DIAPH2: variants seen among roughly 807,000 people sequenced by gnomAD.
The protein encoded by DIAPH2 is protein diaphanous homolog 2.
A neutral mutation model predicts 92.7 loss-of-function variants in DIAPH2; 35 were observed. The observed-to-expected ratio is 0.38, with a 90% confidence interval of 0.29 to 0.50. The LOEUF (loss-of-function observed/expected upper bound fraction) is 0.50. Ranked by LOEUF, DIAPH2 falls within the 20% of genes least tolerant of loss-of-function variation. The probability of loss-of-function intolerance (pLI) is 0.94; values close to 1 mark genes in which losing one functional copy is unlikely to be tolerated. For synonymous variants in DIAPH2, 301 were observed against 280.4 expected (o/e 1.07, Z -0.73); for missense variants, 701 against 819.5 (o/e 0.86, Z 1.77).
Position 96,696,448 on chromosome X carries a change from A to C in DIAPH2, c.132+11258A>C, listed in dbSNP as rs1386767727. ...GAGTCAAAGTTTATTGAAAGCTGTA[A>C]TACATCTACCCTAACATAAATACAA... On this transcript the variant is annotated intron_variant, in intron 1 of 26. Coordinates refer to ENST00000324765, the MANE Select transcript of DIAPH2 (RefSeq NM_006729.5). 2.7e-5 allele frequency among the ~76,000 whole-genome samples: 3 copies of C among 111,921 alleles called. No homozygotes were observed. The East Asian group carries it at 8.4e-4, about 31-fold the overall frequency.
At chrX:96,806,764 G>A (rs1312442955) in intron 4 of DIAPH2, among the ~76,000 whole-genome samples, 3 of 103,295 alleles carry the variant, frequency 2.9e-5, no homozygotes, top group Middle Eastern at 4.8e-3. Context: ...TTTTTGAGAC[G>A]GAGTCTCGCT....
intron 23 of DIAPH2, among the ~76,000 whole-genome samples, chrX:97,343,577 G>A (rs1430974302): frequency 9.0e-6 from 1 of 110,771 alleles, no homozygotes; most frequent in Non-Finnish European, 1.9e-5. Context: ...GCTGAGGCGG[G>A]AGAATCGCTT....
intron 21 of DIAPH2, among the ~76,000 whole-genome samples, chrX:97,127,892 C>T (rs1223987860): frequency 1.8e-5 from 2 of 110,980 alleles, no homozygotes; most frequent in East Asian, 5.7e-4. Context: ...CTTGTGGTCC[C>T]AGCTACTTGG....
At chrX:97,002,057 C>G (rs1013918111) in intron 17 of DIAPH2, among the ~76,000 whole-genome samples, 1 of 110,176 alleles carries the variant, frequency 9.1e-6, no homozygotes, top group Non-Finnish European at 1.9e-5. Context: ...TAATTCAAGT[C>G]AATAATCCAC....
intron 26 of DIAPH2, among the ~76,000 whole-genome samples, chrX:97,545,629 C>G (rs1238469315): frequency 9.4e-6 from 1 of 105,906 alleles, no homozygotes; most frequent in Non-Finnish European, 1.9e-5. Context: ...GTTCATTATT[C>G]TGCATAATAT....
chrX:97,164,688 G>A (rs929434048), intron 22 of DIAPH2, among the ~76,000 whole-genome samples: 2 of 112,093 alleles, frequency 1.8e-5, no homozygotes, highest in African/African-American at 6.5e-5. Context: ...ATTCTTAGAA[G>A]TCCTTATTGC....
chrX:96,783,140 G>A (rs2064431193), intron 4 of DIAPH2, among the ~76,000 whole-genome samples: 1 of 111,531 alleles, frequency 9.0e-6, no homozygotes, highest in Admixed American at 9.5e-5. Flanking sequence ...GGACGGTGTG[G>A]GGATCTACTG....
chrX:96,710,215 C>T (rs2063909699), intron 1 of DIAPH2, among the ~76,000 whole-genome samples: 1 of 111,521 alleles, frequency 9.0e-6, no homozygotes, highest in Admixed American at 9.6e-5. Context: ...GATTCTAAAA[C>T]CTTTCTCCTA....
rs748195088 is a variant in DIAPH2, at chrX:97,215,718, C to T, written c.2720-31997C>T. 2.5e-4 allele frequency among the ~76,000 whole-genome samples: 28 copies of T among 111,705 alleles called. No homozygotes were observed. In the East Asian group the frequency reaches 3.9e-3, roughly 16 times the overall value. On this transcript the variant is annotated intron_variant, in intron 22 of 26. Transcript: ENST00000324765. ...TTTGTGCCATTAAGACACTGCTACC[C>T]TCTGCTGCCTAAGTTAATTACATTC...
rs779130189 is a variant in DIAPH2 at position 97,264,079 on chromosome X, C to T, written c.2844+16240C>T. The stretch of plus-strand genomic sequence containing the variant: ...TGGGACTACAGGCACATTGCTACCA[C>T]GCCCAGCTAAATTTTGTATTTTTTG... On this transcript the variant is annotated intron_variant, in intron 23 of 26. Coordinates refer to ENST00000324765, the MANE Select transcript of DIAPH2 (RefSeq NM_006729.5). Among the ~76,000 whole-genome samples the T allele has an allele frequency of 1.7e-4, 18 of 108,908 alleles. No individual in the cohort carries two copies. In the East Asian group the frequency reaches 4.3e-3, roughly 26 times the overall value. The allele number at this position is 108,908 out of a possible 115,157, so 94.6% of individuals were successfully genotyped here. A position where few individuals can be genotyped will look rare whatever the true frequency, so the allele number is the denominator to read the frequency against.
At chrX:97,363,643 G>A (rs2147708183) in intron 24 of DIAPH2, among the ~76,000 whole-genome samples, 1 of 94,008 alleles carries the variant, frequency 1.1e-5, no homozygotes, top group East Asian at 3.4e-4. Context: ...TCCAGCCTGG[G>A]TGACAGAGCG....
chrX:97,407,368 C>A (rs1312542901), intron 25 of DIAPH2, among the ~76,000 whole-genome samples: 5 of 111,046 alleles, frequency 4.5e-5, no homozygotes, highest in African/African-American at 1.6e-4. Context: ...GCCATGAATT[C>A]TTTTAATCTC....
At chrX:97,359,892 A>G (rs2069308016) in intron 24 of DIAPH2, among the ~76,000 whole-genome samples, 1 of 111,287 alleles carries the variant, frequency 9.0e-6, no homozygotes, top group Non-Finnish European at 1.9e-5. Flanking sequence ...TAATCTTAAT[A>G]ATGAGGCAGC....
intron 24 of DIAPH2, among the ~76,000 whole-genome samples, chrX:97,382,315 G>A: frequency 8.9e-6 from 1 of 112,003 alleles, no homozygotes; most frequent in Non-Finnish European, 1.9e-5. Context: ...GTTTGGCCGG[G>A]TGCGGTGGCT....
intron 26 of DIAPH2, among the ~76,000 whole-genome samples, chrX:97,509,983 C>G (rs1204903591): frequency 1.3e-4 from 14 of 110,990 alleles, no homozygotes; most frequent in South Asian, 3.9e-4. Context: ...GTGCATGTGT[C>G]TTTATAGCAG....
intron 26 of DIAPH2, among the ~76,000 whole-genome samples, chrX:97,543,502 T>C (rs2071156072): frequency 9.0e-6 from 1 of 110,680 alleles, no homozygotes. Flanking sequence ...AAGAATTTTT[T>C]TTTCTTTTTT....
At chrX:97,523,582 A>G (rs1405457978) in intron 26 of DIAPH2, among the ~76,000 whole-genome samples, 3 of 111,805 alleles carry the variant, frequency 2.7e-5, no homozygotes. Context: ...AAGCTGTGTG[A>G]TAACATAATC....
chrX:97,451,330 C>T (rs1176416200), intron 26 of DIAPH2, among the ~76,000 whole-genome samples: 2 of 111,295 alleles, frequency 1.8e-5, no homozygotes, highest in African/African-American at 6.5e-5. Flanking sequence ...CATGTATGTA[C>T]ATTACCTGCC....
At chrX:97,175,280 C>T (rs1017883130) in intron 22 of DIAPH2, among the ~76,000 whole-genome samples, 5 of 111,500 alleles carry the variant, frequency 4.5e-5, no homozygotes, top group African/African-American at 1.6e-4. Flanking sequence ...CTAAATCCTC[C>T]GTTCTGCTCC....
Sources: allele counts gnomAD v4.1 joint callset (sites outside exome capture counted in the v4.1 genomes callset), GRCh38; gene constraint gnomAD v4.1.1; transcripts MANE v1.5; gene names NCBI Gene and HGNC (gene_info 2026-07-23, HGNC 2026-07-21).